The following MARCHF5 variants were observed in gnomAD, a reference collection of about 807,000 sequenced individuals.
MARCHF5 encodes the protein membrane associated ring-CH-type finger 5, also known as E3 ubiquitin-protein ligase MARCHF5.
MARCHF5 carries 5 observed loss-of-function variants against 36.5 expected under a neutral mutation model. That is an observed-to-expected ratio of 0.14 (90% CI 0.07 to 0.29). The LOEUF (loss-of-function observed/expected upper bound fraction) is 0.29. Ranked by LOEUF, MARCHF5 falls within the 10% of genes least tolerant of loss-of-function variation. MARCHF5 has a pLI of 1.00. For missense variants in MARCHF5, 179 were observed against 336.3 expected (o/e 0.53, Z 3.66); for synonymous variants, 103 against 109.9 (o/e 0.94, Z 0.39).
At chr10:92,314,359 A>G (rs751812197) in intron 2 of MARCHF5, among the ~76,000 whole-genome samples, 25 of 152,196 alleles carry the variant, frequency 1.6e-4, no homozygotes, top group Non-Finnish European at 2.9e-4. Flanking sequence ...AAAAATGAAT[A>G]TCCGCTGGGC....
chr10:92,298,562 CAT>C (rs1842974716), intron 1 of MARCHF5, among the ~76,000 whole-genome samples: 1 of 152,142 alleles, frequency 6.6e-6, no homozygotes, highest in Non-Finnish European at 1.5e-5. Context: ...AGCTATAAAA[CAT>C]AAATTTTATT....
chr10:92,326,414 A>G (rs936917166), intron 2 of MARCHF5, among the ~76,000 whole-genome samples: 1 of 152,182 alleles, frequency 6.6e-6, no homozygotes. Flanking sequence ...TCCAGCAAAT[A>G]AAGCAAGGAG....
chr10:92,304,359 G>A (rs1186721427), intron 1 of MARCHF5, among the ~76,000 whole-genome samples: 1 of 152,028 alleles, frequency 6.6e-6, no homozygotes, highest in Non-Finnish European at 1.5e-5. Context: ...TTACAATAGG[G>A]GACCTTAACA....
chr10:92,311,352 A>C lies in MARCHF5; in HGVS notation c.238+15A>C, dbSNP rs1487164753. 1.3e-6 allele frequency: 2 copies of C among 1,510,552 alleles called. No homozygotes were observed. The highest frequency in any genetic ancestry group is 2.4e-5 in the South Asian group (2 of 83,740). 93.6% of individuals were successfully genotyped at this position (1,510,552 alleles called of 1,614,324 possible). On this transcript the variant is annotated intron_variant, in intron 2 of 5. Coordinates refer to ENST00000358935, the MANE Select transcript of MARCHF5 (RefSeq NM_017824.5). Reference sequence around the variant, plus strand: ...TCCAAAATTGGGTAAGAATATCTTTAAAAACAACACAGATATAGTTGATGT... The same window carrying C: ...TCCAAAATTGGGTAAGAATATCTTTCAAAACAACACAGATATAGTTGATGT...
intron 1 of MARCHF5, among the ~76,000 whole-genome samples, chr10:92,298,928 C>T (rs1256962567): frequency 6.6e-6 from 1 of 152,050 alleles, no homozygotes; most frequent in African/African-American, 2.4e-5. Flanking sequence ...CTCAAGCCTC[C>T]CAAGTAGCTA....
chr10:92,307,212 T>TGC (rs61157486), intron 1 of MARCHF5, among the ~76,000 whole-genome samples: 3 of 41,562 alleles, frequency 7.2e-5, no homozygotes, highest in African/African-American at 2.3e-4. Flanking sequence ...TGTGTGTGTG[T>TGC]GCGCGTGCAT....
chr10:92,313,801 G>A (rs967462999), intron 2 of MARCHF5, among the ~76,000 whole-genome samples: 4 of 152,202 alleles, frequency 2.6e-5, no homozygotes, highest in African/African-American at 9.6e-5. Flanking sequence ...GCTGAGGTGG[G>A]AGGATTGCCT....
chr10:92,318,676 G>C (rs1843246689), intron 2 of MARCHF5, among the ~76,000 whole-genome samples: 1 of 150,954 alleles, frequency 6.6e-6, no homozygotes, highest in Non-Finnish European at 1.5e-5. Context: ...TCTTGTTCTT[G>C]TTCTTAGGGG....
At chr10:92,347,162 A>G (rs1208636200) in intron 3 of MARCHF5, among the ~76,000 whole-genome samples, 1 of 126,140 alleles carries the variant, frequency 7.9e-6, no homozygotes, top group Non-Finnish European at 1.7e-5. Flanking sequence ...TGGGAAACGT[A>G]GCAAGACCCT....
At chr10:92,300,712 A>G (rs935776736) in intron 1 of MARCHF5, among the ~76,000 whole-genome samples, 3 of 152,084 alleles carry the variant, frequency 2.0e-5, no homozygotes, top group African/African-American at 7.2e-5. Flanking sequence ...TCTTCCAAAC[A>G]TAAGGTGGTT....
At chr10:92,317,488 T>C (rs1843226287) in intron 2 of MARCHF5, among the ~76,000 whole-genome samples, 1 of 152,188 alleles carries the variant, frequency 6.6e-6, no homozygotes, top group African/African-American at 2.4e-5. Context: ...AATATTTTGT[T>C]CTTTTTGATA....
intron 3 of MARCHF5, among the ~76,000 whole-genome samples, chr10:92,341,685 A>G (rs1209478535): frequency 6.6e-6 from 1 of 152,010 alleles, no homozygotes; most frequent in East Asian, 1.9e-4. Flanking sequence ...AATTATTGAA[A>G]TCAAACTTGT....
At chr10:92,337,546 T>C (rs1023945310) in intron 2 of MARCHF5, among the ~76,000 whole-genome samples, 12 of 151,814 alleles carry the variant, frequency 7.9e-5, no homozygotes, top group African/African-American at 2.9e-4. Flanking sequence ...ATAAAACATA[T>C]ACAGTTCTTC....
intron 2 of MARCHF5, among the ~76,000 whole-genome samples, chr10:92,319,353 T>A (rs1471057249): frequency 1.1e-4 from 17 of 151,260 alleles, no homozygotes; most frequent in Middle Eastern, 3.5e-3. Flanking sequence ...TGGAGTGCAG[T>A]GGCGCGATCT....
At chr10:92,345,660 A>G (rs189403793) in intron 3 of MARCHF5, among the ~76,000 whole-genome samples, 6 of 150,380 alleles carry the variant, frequency 4.0e-5, no homozygotes, top group African/African-American at 1.5e-4. Flanking sequence ...TAAACCTGCA[A>G]TTCTATAGGT....
chr10:92,297,026 TA>T (rs1390049635), intron 1 of MARCHF5, among the ~76,000 whole-genome samples: 2 of 152,128 alleles, frequency 1.3e-5, no homozygotes, highest in Non-Finnish European at 2.9e-5. Flanking sequence ...GGAAACATCA[TA>T]GATAAAATTA....
intron 5 of MARCHF5, 69 bp from the exon 6 acceptor site, chr10:92,351,021 TA>T: frequency 1.2e-6 from 1 of 839,974 alleles, no homozygotes; most frequent in Non-Finnish European, 1.9e-6. Context: ...GTGATCTAAA[TA>T]AAATTATTTT....
chr10:92,337,645 A>G (rs922155092), intron 2 of MARCHF5, among the ~76,000 whole-genome samples: 3 of 151,880 alleles, frequency 2.0e-5, no homozygotes, highest in African/African-American at 7.3e-5. Context: ...TTTTTTTTTT[A>G]ACACTGAAGA....
At chr10:92,295,075 T>A (rs1361172717) in intron 1 of MARCHF5, among the ~76,000 whole-genome samples, 1 of 152,136 alleles carries the variant, frequency 6.6e-6, no homozygotes, top group Non-Finnish European at 1.5e-5. Flanking sequence ...TATTAAACAT[T>A]TACACTTATT....
Sources: allele counts gnomAD v4.1 joint callset (sites outside exome capture counted in the v4.1 genomes callset), GRCh38; gene constraint gnomAD v4.1.1; transcripts MANE v1.5; gene names NCBI Gene and HGNC (gene_info 2026-07-23, HGNC 2026-07-21).